The following NRAP variants were observed in gnomAD, a reference collection of about 807,000 sequenced individuals.
The protein encoded by NRAP is nebulin related anchoring protein, also known as nebulin-related-anchoring protein.
Under a neutral mutation model 225.9 loss-of-function variants are expected in NRAP, and 189 were observed. The ratio of observed to expected loss-of-function variants is 0.84; its 90% CI spans 0.74 to 0.94. The LOEUF (loss-of-function observed/expected upper bound fraction) is 0.94. NRAP is among the 40% of genes least tolerant of loss of function. The pLI, the probability that NRAP is intolerant of heterozygous loss-of-function variation, is 0.00. For missense variants in NRAP, 2,176 were observed against 2,168.7 expected (o/e 1.00, Z -0.07); for synonymous variants, 769 against 790.7 (o/e 0.97, Z 0.46).
intron 14 of NRAP, among the ~76,000 whole-genome samples, chr10:113,639,206 G>A (rs976910706): frequency 1.3e-5 from 2 of 151,690 alleles, no homozygotes; most frequent in African/African-American, 2.4e-5. Context: ...CAAAGTTTAG[G>A]CCCCTGATCA....
chr10:113,641,787 T>C (rs113629166), intron 12 of NRAP, among the ~76,000 whole-genome samples: 2 of 152,194 alleles, frequency 1.3e-5, no homozygotes, highest in African/African-American at 4.8e-5. Flanking sequence ...ATTTTTCCAA[T>C]GTGAAAATTT....
rs566168562 is a variant in NRAP, at chr10:113,592,277, G to A, written c.4561C>T (p.Gln1521Ter). Residue 1521 changes from glutamine to a stop codon, truncating the protein, a stop_gained, in exon 39 of 42, where the codon CAG becomes TAG. Coordinates refer to ENST00000359988, the MANE Select transcript of NRAP (RefSeq NM_198060.4). LOFTEE classifies it high-confidence loss of function. Reference protein sequence around the residue: ...SDKVYRNSWEQTRAGSYDFRL... With the variant: ...SDKVYRNSWE ...AAGTCATAACTGCCAGCCCGGGTCT[G>A]CTCCCAGGAGTTTCTGTAGACTTTC... is the stretch of plus-strand genomic sequence containing the variant. 7 of 1,612,364 alleles carry A rather than the reference G, an allele frequency of 4.3e-6. No homozygotes were observed. The African/African-American group carries it at 6.7e-5, about 15-fold the overall frequency.
intron 34 of NRAP, 50 bp downstream of exon 34, chr10:113,605,712 T>C: frequency 8.2e-7 from 1 of 1,218,380 alleles, no homozygotes; most frequent in Non-Finnish European, 1.2e-6. Flanking sequence ...TTGTTTTACA[T>C]GAAGTTAACA....
At chr10:113,608,331 C>T in intron 32 of NRAP, 83 bp downstream of exon 32, 2 of 827,172 alleles carry the variant, frequency 2.4e-6, no homozygotes, top group Non-Finnish European at 2.0e-6. Flanking sequence ...CATGCTCTTT[C>T]TCACCCCAAA....
rs1849759109 is a variant in NRAP at position 113,648,858 on chromosome 10, G to A, written c.888+1179C>T. ...GATACTATGAAGTTACATTTCATCT[G>A]TACCTACAGACATGTCTAGGTACAC... On this transcript the variant is annotated intron_variant, in intron 9 of 41. Coordinates refer to ENST00000359988, the MANE Select transcript of NRAP (RefSeq NM_198060.4). Among the ~76,000 whole-genome samples the A allele has an allele frequency of 3.3e-5, 5 of 152,128 alleles. 1 individual carries two copies. In the South Asian group the frequency reaches 1.0e-3, roughly 32 times the overall value.
chr10:113,614,877 A>C lies in NRAP; in HGVS notation c.3148T>G (p.Phe1050Val), dbSNP rs1457496618. ...TCACCAGAAGCCTTTGCTGCTTGGA[A>C]TGGAAGGGCATCCAACCTCAGTTTA... Reference protein sequence around the residue: ...GYKLRLDALPFQAAKASGEII... With the variant: ...GYKLRLDALPVQAAKASGEII... Residue 1050 changes from phenylalanine (F) to valine (V), a missense_variant, in exon 28 of 42, where the codon TTC becomes GTC. Physicochemically the swap from Phe to Val is conservative, Grantham distance 50 (BLOSUM62 -1). Coordinates refer to ENST00000359988, the MANE Select transcript of NRAP (RefSeq NM_198060.4). 2 of 1,612,644 alleles carry C rather than the reference A, an allele frequency of 1.2e-6. No homozygotes were observed. The highest frequency in any genetic ancestry group is 1.7e-6 in the Non-Finnish European group (2 of 1,178,742).
At chr10:113,616,731 T>C (rs780958459) in intron 26 of NRAP, among the ~76,000 whole-genome samples, 3 of 152,158 alleles carry the variant, frequency 2.0e-5, no homozygotes, top group African/African-American at 4.8e-5. Context: ...GGTTTGTAAA[T>C]TTTCCCCATG....
chr10:113,604,009 C>G (rs1398912317), intron 35 of NRAP, among the ~76,000 whole-genome samples: 1 of 152,156 alleles, frequency 6.6e-6, no homozygotes, highest in African/African-American at 2.4e-5. Context: ...GGCTTATCTC[C>G]CTCTAGTATA....
chr10:113,608,411 T>G lies in NRAP; in HGVS notation c.3702+3A>C. On this transcript the variant is annotated splice_donor_region_variant and intron_variant, in intron 32 of 41. Transcript: ENST00000359988. ...CCATTCCAAAGCCATCAGGAGATTT[T>G]ACCTCATTCGTTATCTGGTTGCTGA... 6.3e-7 allele frequency: 1 copy of G among 1,589,574 alleles called. No individual in the cohort carries two copies. The highest frequency in any genetic ancestry group is 8.6e-7 in the Non-Finnish European group (1 of 1,158,558).
intron 4 of NRAP, among the ~76,000 whole-genome samples, chr10:113,654,444 T>C (rs773768352): frequency 2.0e-4 from 29 of 145,948 alleles, no homozygotes; most frequent in Non-Finnish European, 3.6e-4. Context: ...TCAACATTAT[T>C]CAGACAAATG....
chr10:113,663,078 T>G (rs1287957962), intron 2 of NRAP, among the ~76,000 whole-genome samples: 1 of 152,224 alleles, frequency 6.6e-6, no homozygotes, highest in Non-Finnish European at 1.5e-5. Context: ...TATGCATATT[T>G]ATGGCCATTA....
At chr10:113,650,194 C>A in intron 8 of NRAP, 53 bp from the exon 9 acceptor site, 1 of 1,127,628 alleles carries the variant, frequency 8.9e-7, no homozygotes, top group Non-Finnish European at 1.3e-6. Flanking sequence ...TGCACAGGAG[C>A]CAAAAGAGTA....
intron 3 of NRAP, among the ~76,000 whole-genome samples, chr10:113,658,881 C>CAA (rs57340533): frequency 0.01 from 816 of 78,092 alleles, 7 homozygotes; most frequent in African/African-American, 0.031. Flanking sequence ...GACCCTGTCT[C>CAA]AAAAAAAAAA....
intron 39 of NRAP, among the ~76,000 whole-genome samples, chr10:113,591,265 C>T (rs11575692): frequency 1.4e-4 from 21 of 152,366 alleles, no homozygotes; most frequent in Non-Finnish European, 2.5e-4. Context: ...ACATAGGCCA[C>T]TCTGCCTTTG....
rs1168597929 is a variant in NRAP at position 113,622,120 on chromosome 10, G to A, written c.2518C>T (p.Gln840Ter). The change falls in exon 24 of 42, where the codon CAG becomes TAG. Residue 840 changes from glutamine to a stop codon, truncating the protein, a stop_gained. Transcript: ENST00000359988. LOFTEE classifies it high-confidence loss of function. ...RGKLIGAKDV[Q>*]GDSQMSHSLQ... ...GAGTGGCTCATTTGCGAATCTCCCTGTACATCTTTTGCCCCAATGAGCTTC... is the reference window on the plus strand; with the variant it reads ...GAGTGGCTCATTTGCGAATCTCCCTATACATCTTTTGCCCCAATGAGCTTC... The A allele has an allele frequency of 5.0e-6, 8 of 1,613,952 alleles. No individual in the cohort carries two copies. The highest frequency in any genetic ancestry group is 6.8e-6 in the Non-Finnish European group (8 of 1,179,848).
chr10:113,620,169 A>T (rs1847903635), intron 25 of NRAP, among the ~76,000 whole-genome samples: 1 of 152,182 alleles, frequency 6.6e-6, no homozygotes, highest in Non-Finnish European at 1.5e-5. Flanking sequence ...ACTCTCCCTC[A>T]AAAAAGAACC....
intron 12 of NRAP, 82 bp downstream of exon 12, chr10:113,642,852 C>T: frequency 1.3e-6 from 1 of 784,588 alleles, no homozygotes; most frequent in Non-Finnish European, 2.3e-6. Flanking sequence ...TAGATCCATT[C>T]CCATAGACTG....
rs546026702 is a variant in NRAP at position 113,629,082 on chromosome 10, A to T, written c.2041-61T>A. The stretch of plus-strand genomic sequence containing the variant: ...CATGGATAGAGACAGGACAAAGTTG[A>T]TGGGAGAGTTAAGAAGATCTTGATC... On this transcript the variant is annotated intron_variant, in intron 19 of 41. Coordinates refer to ENST00000359988, the MANE Select transcript of NRAP (RefSeq NM_198060.4). 6.9e-5 allele frequency: 80 copies of T among 1,161,708 alleles called. No individual in the cohort carries two copies. In the Admixed American group the frequency reaches 1.4e-3, roughly 20 times the overall value. 72.0% of individuals were successfully genotyped at this position (1,161,708 alleles called of 1,614,324 possible). A position where few individuals can be genotyped will look rare whatever the true frequency, so the allele number is the denominator to read the frequency against.
chr10:113,628,635 TC>T (rs1386202511), intron 20 of NRAP, among the ~76,000 whole-genome samples: 2 of 152,218 alleles, frequency 1.3e-5, no homozygotes, highest in Non-Finnish European at 2.9e-5. Flanking sequence ...AGTGCTGTTT[TC>T]CCAGGTGCTG....
Sources: gnomAD v4.1 joint callset for allele counts (sites outside exome capture counted in the v4.1 genomes callset) on GRCh38, gnomAD v4.1.1 for gene constraint, MANE v1.5 for transcripts, NCBI Gene and HGNC (gene_info 2026-07-23, HGNC 2026-07-21) for gene names.